SHC4: variants seen among roughly 807,000 people sequenced by gnomAD.
SHC4 encodes SHC adaptor protein 4, also known as SHC-transforming protein 4.
In SHC4, 41 loss-of-function variants were observed where a neutral mutation model predicts 69.4. The ratio of observed to expected loss-of-function variants is 0.59; its 90% CI spans 0.46 to 0.77. SHC4 has a LOEUF of 0.77. SHC4 is among the 30% of genes least tolerant of loss of function. SHC4 has a pLI of 0.00. For missense variants in SHC4, 777 were observed against 783.8 expected (o/e 0.99, Z 0.10); for synonymous variants, 318 against 299.3 (o/e 1.06, Z -0.64).
intron 11 of SHC4, among the ~76,000 whole-genome samples, chr15:48,832,751 T>C (rs182826363): frequency 6.0e-4 from 92 of 152,276 alleles, no homozygotes; most frequent in African/African-American, 2.2e-3. Context: ...ATTTTTGTTG[T>C]TGTTCCTTTT....
intron 6 of SHC4, among the ~76,000 whole-genome samples, chr15:48,859,937 G>A (rs954392801): frequency 6.6e-6 from 1 of 152,030 alleles, no homozygotes; most frequent in Non-Finnish European, 1.5e-5. Context: ...AAAGGAGGGA[G>A]GAGAGAGGTT....
chr15:48,942,903 A>C (rs750937490), intron 1 of SHC4, among the ~76,000 whole-genome samples: 6 of 152,216 alleles, frequency 3.9e-5, no homozygotes, highest in Non-Finnish European at 8.8e-5. Context: ...TCATGAGTAC[A>C]TCAATGGAAA....
chr15:48,893,661 A>G (rs1900172453), intron 2 of SHC4, among the ~76,000 whole-genome samples: 1 of 152,222 alleles, frequency 6.6e-6, no homozygotes, highest in African/African-American at 2.4e-5. Flanking sequence ...ACAACAAGAT[A>G]CTTCACTCAT....
chr15:48,882,953 G>GA (rs1899970932), intron 4 of SHC4, among the ~76,000 whole-genome samples: 1 of 152,170 alleles, frequency 6.6e-6, no homozygotes, highest in Non-Finnish European at 1.5e-5. Context: ...TGGAAGATCA[G>GA]TCAGGACCCA....
At chr15:48,877,457 AAGGTAAAAAC>A (rs1180553430) in intron 4 of SHC4, 1 of 983,270 alleles carries the variant, frequency 1.0e-6, no homozygotes, top group Non-Finnish European at 1.2e-6. Context: ...TTTTAAGTTG[AAGGTAAAAAC>A]AGGTAAAACA....
At chr15:48,942,735 A>G (rs1430276303) in intron 1 of SHC4, among the ~76,000 whole-genome samples, 2 of 152,228 alleles carry the variant, frequency 1.3e-5, no homozygotes, top group East Asian at 3.8e-4. Context: ...CTGAAGTAAG[A>G]GTCTAGGAGC....
At chr15:48,938,215 T>C (rs1901109382) in intron 1 of SHC4, 1 of 152,212 alleles carries the variant, frequency 6.6e-6, no homozygotes, top group Non-Finnish European at 1.5e-5. Flanking sequence ...GTAATAGCAA[T>C]TGACTACTCT....
intron 1 of SHC4, among the ~76,000 whole-genome samples, chr15:48,950,392 A>G (rs1028788642): frequency 6.6e-6 from 1 of 151,886 alleles, no homozygotes; most frequent in Non-Finnish European, 1.5e-5. Context: ...TCTCCACCAG[A>G]TAGAAGACAT....
intron 4 of SHC4, chr15:48,876,566 A>G: frequency 2.9e-6 from 2 of 695,214 alleles, no homozygotes; most frequent in Non-Finnish European, 5.2e-6. Flanking sequence ...AAGGTCCTAC[A>G]ATAGGCTGTC....
chr15:48,899,401 G>A (rs1900278373), intron 2 of SHC4, among the ~76,000 whole-genome samples: 1 of 152,142 alleles, frequency 6.6e-6, no homozygotes, highest in Admixed American at 6.5e-5. Flanking sequence ...GGGAGGTGGA[G>A]GTTGCAGTGA....
chr15:48,874,748 C>T (rs770770779), intron 4 of SHC4, among the ~76,000 whole-genome samples: 1 of 152,170 alleles, frequency 6.6e-6, no homozygotes, highest in Admixed American at 6.5e-5. Flanking sequence ...AAAACCCTAT[C>T]GGTAAGTAGC....
chr15:48,878,451 A>T lies in SHC4; in HGVS notation c.840+5797T>A, dbSNP rs757550039. On this transcript the variant is annotated intron_variant, in intron 4 of 11. Coordinates refer to ENST00000332408, the MANE Select transcript of SHC4 (RefSeq NM_203349.4). ...CAGCCAGGCCAGGTGGCGGGCGCAG[A>T]CTTCGAGAGCGAGGACGAGGGCGAG... 2.0e-5 allele frequency: 33 copies of T among 1,613,316 alleles called. 1 individual carries two copies.
chr15:48,895,030 C>T (rs1900200549), intron 2 of SHC4, among the ~76,000 whole-genome samples: 2 of 150,882 alleles, frequency 1.3e-5, no homozygotes, highest in African/African-American at 5.0e-5. Context: ...GTCTTGAACT[C>T]CTGGGCTCAA....
chr15:48,960,025 T>C, intron 1 of SHC4, among the ~76,000 whole-genome samples: 1 of 152,242 alleles, frequency 6.6e-6, no homozygotes, highest in African/African-American at 2.4e-5. Flanking sequence ...ATAAGTAAGT[T>C]CTTTCACGTA....
intron 1 of SHC4, among the ~76,000 whole-genome samples, chr15:48,946,397 C>T (rs1471835324): frequency 6.6e-6 from 1 of 152,184 alleles, no homozygotes; most frequent in Non-Finnish European, 1.5e-5. Context: ...AATCAATACT[C>T]ACTCCTTGCC....
rs371294751 is a variant in SHC4, at chr15:48,826,092, C to A, written c.1772G>T (p.Gly591Val). 1 of 1,613,178 alleles carries A rather than the reference C, an allele frequency of 6.2e-7. No individual in the cohort carries two copies. The highest frequency in any genetic ancestry group is 1.1e-5 in the South Asian group (1 of 90,892). Residue 591 changes from glycine (G) to valine (V), a missense_variant, in exon 12 of 12, where the codon GGC (glycine) becomes GTC (valine). Physicochemically the swap from Gly to Val is moderately radical, Grantham distance 109. Coordinates refer to ENST00000332408, the MANE Select transcript of SHC4 (RefSeq NM_203349.4). ...RTKDHVFDNV[G>V]HLIRYHMDNS... ...ATCCATATGGTATCTGATAAGGTGG[C>A]CGACATTATCAAATACATGATCCTT...
At chr15:48,956,331 A>G (rs1901453459) in intron 1 of SHC4, among the ~76,000 whole-genome samples, 2 of 152,118 alleles carry the variant, frequency 1.3e-5, no homozygotes, top group Admixed American at 6.5e-5. Flanking sequence ...AAACCATGGG[A>G]CTGTCTCTCC....
rs373726012 is a variant in SHC4 at position 48,962,295 on chromosome 15, T to A, written c.585+136A>T. On this transcript the variant is annotated intron_variant, in intron 1 of 11. Transcript: ENST00000332408. ...GGGACATATATAAACCCAGCTCCCC[T>A]CCGCCTTGGTCCAGTTGAATCATGT... 6 of 888,624 alleles carry A rather than the reference T, an allele frequency of 6.8e-6. No individual in the cohort carries two copies. In the East Asian group the frequency reaches 1.7e-4, roughly 25 times the overall value. The allele number at this position is 888,624 out of a possible 1,614,324, so 55.0% of individuals were successfully genotyped here. A position where few individuals can be genotyped will look rare whatever the true frequency, so the allele number is the denominator to read the frequency against.
chr15:48,871,691 A>G (rs972181694), intron 5 of SHC4, among the ~76,000 whole-genome samples: 2 of 152,238 alleles, frequency 1.3e-5, no homozygotes, highest in Admixed American at 1.3e-4. Context: ...TATCAAGTCC[A>G]GTTGATTAGT....
Sources: allele counts gnomAD v4.1 joint callset (sites outside exome capture counted in the v4.1 genomes callset), GRCh38; gene constraint gnomAD v4.1.1; transcripts MANE v1.5; gene names NCBI Gene and HGNC (gene_info 2026-07-23, HGNC 2026-07-21).